The following TMTC2 variants were observed in gnomAD, a reference collection of about 807,000 sequenced individuals.
TMTC2 encodes protein O-mannosyl-transferase TMTC2.
A neutral mutation model predicts 82.4 loss-of-function variants in TMTC2; 43 were observed. That is an observed-to-expected ratio of 0.52 (90% CI 0.41 to 0.67). The LOEUF (loss-of-function observed/expected upper bound fraction) is 0.67, where lower values mean the gene tolerates loss of function less well. TMTC2 is among the 30% of genes least tolerant of loss of function. The pLI, the probability that TMTC2 is intolerant of heterozygous loss-of-function variation, is 0.00. For synonymous variants in TMTC2, 408 were observed against 381.9 expected, an observed-to-expected ratio of 1.07 and a Z score of -0.80; for missense variants, 919 against 1,012.4, an observed-to-expected ratio of 0.91 and a Z score of 1.25.
chr12:82,765,992 C>T (rs1008316443), intron 1 of TMTC2, among the ~76,000 whole-genome samples: 1 of 152,100 alleles, frequency 6.6e-6, no homozygotes, highest in East Asian at 1.9e-4. Context: ...AGGCCCAAAA[C>T]GTGTATTGCC....
intron 8 of TMTC2, among the ~76,000 whole-genome samples, chr12:82,987,059 T>G (rs552940136): frequency 2.6e-5 from 4 of 152,312 alleles, no homozygotes; most frequent in African/African-American, 9.6e-5. Flanking sequence ...AAAGTATTTT[T>G]GTGTTACTTC....
chr12:82,769,239 G>A (rs886659432), intron 1 of TMTC2, among the ~76,000 whole-genome samples: 1 of 151,880 alleles, frequency 6.6e-6, no homozygotes, highest in Non-Finnish European at 1.5e-5. Context: ...TTGGGAGGCC[G>A]AGGCGGGTGA....
intron 8 of TMTC2, among the ~76,000 whole-genome samples, chr12:83,029,337 A>C (rs1021572395): frequency 1.3e-5 from 2 of 152,076 alleles, no homozygotes; most frequent in African/African-American, 4.8e-5. Flanking sequence ...TTAAAAAAAA[A>C]CTGATCAGCT....
At chr12:82,816,461 A>T (rs1207054174) in intron 1 of TMTC2, among the ~76,000 whole-genome samples, 1 of 152,088 alleles carries the variant, frequency 6.6e-6, no homozygotes, top group Non-Finnish European at 1.5e-5. Context: ...GGAGACTGCC[A>T]GGGAGTCTCC....
At chr12:82,902,061 T>TC (rs1221835431) in intron 3 of TMTC2, among the ~76,000 whole-genome samples, 2 of 152,030 alleles carry the variant, frequency 1.3e-5, no homozygotes, top group Non-Finnish European at 2.9e-5. Flanking sequence ...GGAATGGTTT[T>TC]CCCCCACGGC....
At chr12:82,889,866 T>G (rs1261477204) in intron 2 of TMTC2, among the ~76,000 whole-genome samples, 1 of 152,152 alleles carries the variant, frequency 6.6e-6, no homozygotes, top group African/African-American at 2.4e-5. Flanking sequence ...CCATGATTTT[T>G]TTATTACCAT....
At chr12:82,853,969 A>G (rs189683198) in intron 1 of TMTC2, among the ~76,000 whole-genome samples, 6 of 151,826 alleles carry the variant, frequency 4.0e-5, no homozygotes, top group Non-Finnish European at 8.8e-5. Flanking sequence ...TTAAATTTTA[A>G]TTATAACCCA....
intron 1 of TMTC2, among the ~76,000 whole-genome samples, chr12:82,697,175 C>T (rs1476603493): frequency 1.3e-5 from 2 of 151,362 alleles, no homozygotes; most frequent in African/African-American, 4.9e-5. Context: ...GAAACCCCGT[C>T]TCTACTAAAA....
chr12:82,848,596 ATGAG>A (rs1008245523), intron 1 of TMTC2, among the ~76,000 whole-genome samples: 3 of 152,160 alleles, frequency 2.0e-5, no homozygotes, highest in African/African-American at 7.2e-5. Flanking sequence ...GAATAAAGGA[ATGAG>A]TGAGTGATTT....
At chr12:82,871,514 C>A (rs569707000) in intron 2 of TMTC2, among the ~76,000 whole-genome samples, 1 of 152,216 alleles carries the variant, frequency 6.6e-6, no homozygotes, top group South Asian at 2.1e-4. Flanking sequence ...CTGCCCCTAG[C>A]AAGTAGCAGA....
chr12:83,059,215 T>G (rs1274912851), intron 10 of TMTC2, among the ~76,000 whole-genome samples: 3 of 151,820 alleles, frequency 2.0e-5, no homozygotes, highest in Non-Finnish European at 4.4e-5. Context: ...ACTGCTAAAT[T>G]CTTTACTTTT....
At chr12:82,907,571 G>A (rs1381721671) in intron 3 of TMTC2, among the ~76,000 whole-genome samples, 1 of 151,954 alleles carries the variant, frequency 6.6e-6, no homozygotes, top group African/African-American at 2.4e-5. Flanking sequence ...AAAAAATCCA[G>A]ACCACAACAG....
intron 8 of TMTC2, among the ~76,000 whole-genome samples, chr12:83,029,798 A>G (rs931593020): frequency 2.0e-5 from 3 of 152,218 alleles, no homozygotes; most frequent in African/African-American, 7.2e-5. Context: ...TGAAGAATGT[A>G]TACTTTTAGA....
intron 1 of TMTC2, among the ~76,000 whole-genome samples, chr12:82,753,427 G>A (rs995971540): frequency 6.7e-6 from 1 of 149,112 alleles, no homozygotes; most frequent in Non-Finnish European, 1.5e-5. Context: ...TGGTTTTACT[G>A]TGTGGAGGGC....
intron 1 of TMTC2, among the ~76,000 whole-genome samples, chr12:82,855,462 T>C (rs1406185768): frequency 6.6e-6 from 1 of 152,150 alleles, no homozygotes; most frequent in African/African-American, 2.4e-5. Context: ...TAAGACAGTC[T>C]CCCACAACAT....
chr12:82,954,254 G>A (rs1444469266), intron 4 of TMTC2, among the ~76,000 whole-genome samples: 1 of 152,070 alleles, frequency 6.6e-6, no homozygotes, highest in Non-Finnish European at 1.5e-5. Context: ...GCTCTTGTCG[G>A]CATTCCTGAC....
At chr12:83,049,901 C>A (rs1245944014) in intron 9 of TMTC2, among the ~76,000 whole-genome samples, 1 of 152,154 alleles carries the variant, frequency 6.6e-6, no homozygotes, top group African/African-American at 2.4e-5. Context: ...ATTTGCATTT[C>A]TCTAATGATT....
intron 1 of TMTC2, among the ~76,000 whole-genome samples, chr12:82,713,121 A>G (rs1314080750): frequency 2.0e-5 from 3 of 152,122 alleles, no homozygotes; most frequent in African/African-American, 7.2e-5. Context: ...GGGGTTCGAG[A>G]CCAGCGTGAC....
chr12:82,906,597 G>T (rs1248719481), intron 3 of TMTC2, among the ~76,000 whole-genome samples: 1 of 152,156 alleles, frequency 6.6e-6, no homozygotes, highest in Non-Finnish European at 1.5e-5. Flanking sequence ...GCTGAGGCAG[G>T]AGTATTGCTT....
Sources: allele counts gnomAD v4.1 joint callset (sites outside exome capture counted in the v4.1 genomes callset), GRCh38; gene constraint gnomAD v4.1.1; transcripts MANE v1.5; gene names NCBI Gene and HGNC (gene_info 2026-07-23, HGNC 2026-07-21).